PDE1A: variants seen among roughly 807,000 people sequenced by gnomAD.
PDE1A encodes the protein dual specificity calcium/calmodulin-dependent 3',5'-cyclic nucleotide phosphodiesterase 1A.
A neutral mutation model predicts 61.7 loss-of-function variants in PDE1A; 35 were observed. The ratio of observed to expected loss-of-function variants is 0.57; its 90% CI spans 0.43 to 0.75. PDE1A has a LOEUF of 0.75. Ranked by LOEUF, PDE1A falls within the 30% of genes least tolerant of loss-of-function variation. The probability of loss-of-function intolerance (pLI) is 0.00; values close to 1 mark genes in which losing one functional copy is unlikely to be tolerated. For missense variants in PDE1A, 597 were observed against 630.6 expected (o/e 0.95, Z 0.57); for synonymous variants, 232 against 213.2 (o/e 1.09, Z -0.77).
chr2:182,503,024 C>CG (rs1559520876), intron 2 of PDE1A, among the ~76,000 whole-genome samples: 2 of 148,506 alleles, frequency 1.3e-5, no homozygotes, highest in Admixed American at 6.8e-5. Context: ...TCTCTCTCCC[C>CG]CTCCCCATTC....
At chr2:182,681,054 C>G in the PDE1A span, among the ~76,000 whole-genome samples, 1 of 152,066 alleles carries the variant, frequency 6.6e-6, no homozygotes, top group East Asian at 1.9e-4. Context: ...AAGGGTGTAT[C>G]TTAAGGAGAG....
chr2:182,320,339 C>T (rs1011595389), intron 1 of PDE1A, among the ~76,000 whole-genome samples: 1 of 152,098 alleles, frequency 6.6e-6, no homozygotes, highest in Admixed American at 6.6e-5. Flanking sequence ...CTGCCGGATC[C>T]TAAGGTGCTG....
chr2:182,357,334 G>C lies in PDE1A; in HGVS notation c.53+69244C>G, dbSNP rs572202493. On this transcript the variant is annotated intron_variant, in intron 1 of 13. Transcript: ENST00000351439. ...ATGGGTAAAGGAAAACCAGAAGGGA[G>C]AGAGAATAGGACTGGTAGTCTGAAC... is the stretch of plus-strand genomic sequence containing the variant. Among the ~76,000 whole-genome samples, 12 of 152,190 alleles carry C rather than the reference G, an allele frequency of 7.9e-5. No homozygotes were observed. The East Asian group carries it at 1.7e-3, about 22-fold the overall frequency.
chr2:182,289,732 T>C (rs1694400656), intron 1 of PDE1A, among the ~76,000 whole-genome samples: 2 of 152,136 alleles, frequency 1.3e-5, no homozygotes, highest in Admixed American at 6.6e-5. Context: ...ATGGCAAATG[T>C]ATGTACTTAA....
At chr2:182,493,669 C>T (rs1230463650) in intron 2 of PDE1A, among the ~76,000 whole-genome samples, 1 of 152,166 alleles carries the variant, frequency 6.6e-6, no homozygotes, top group African/African-American at 2.4e-5. Context: ...AGATTTGGAA[C>T]CATCCCAAAT....
At chr2:182,515,954 CTGTGTGTG>C (rs201729102) in intron 2 of PDE1A, among the ~76,000 whole-genome samples, 9,716 of 130,412 alleles carry the variant, frequency 0.075, 929 homozygotes, top group African/African-American at 0.23. Flanking sequence ...GTGTGTGTTT[CTGTGTGTG>C]TGTGTGTGTG....
the PDE1A span, among the ~76,000 whole-genome samples, chr2:182,625,398 GTAGT>G: frequency 6.6e-6 from 1 of 152,188 alleles, no homozygotes; most frequent in African/African-American, 2.4e-5. Flanking sequence ...GGAGAAATAG[GTAGT>G]TAGTTTAACT....
chr2:182,291,180 C>T (rs10186868), intron 1 of PDE1A, among the ~76,000 whole-genome samples: 45,263 of 151,884 alleles, frequency 0.3, 6,797 homozygotes, highest in Middle Eastern at 0.41. Context: ...CCAAACCTCT[C>T]GTCCTGCCTA....
intron 13 of PDE1A, among the ~76,000 whole-genome samples, chr2:182,172,936 T>G (rs1692371407): frequency 6.6e-6 from 1 of 151,724 alleles, no homozygotes; most frequent in Admixed American, 6.6e-5. Flanking sequence ...TTCCCAGGAG[T>G]AGAGAGCAAA....
the PDE1A span, among the ~76,000 whole-genome samples, chr2:182,554,174 T>A: frequency 8.7e-4 from 132 of 152,298 alleles, no homozygotes; most frequent in African/African-American, 3.0e-3. Flanking sequence ...GTCACACCAT[T>A]TTCCTTTGAC....
At chr2:182,542,159 G>T in the PDE1A span, among the ~76,000 whole-genome samples, 73 of 152,126 alleles carry the variant, frequency 4.8e-4, no homozygotes, top group Non-Finnish European at 8.4e-4. Flanking sequence ...TTTCAAATTA[G>T]TTATTATTTT....
chr2:182,689,020 T>G, the PDE1A span, among the ~76,000 whole-genome samples: 1 of 152,240 alleles, frequency 6.6e-6, no homozygotes, highest in African/African-American at 2.4e-5. Flanking sequence ...GCACCCAGAT[T>G]CATAAAGCAA....
At chr2:182,288,827 T>C (rs1446282118) in intron 1 of PDE1A, among the ~76,000 whole-genome samples, 1 of 152,056 alleles carries the variant, frequency 6.6e-6, no homozygotes, top group Admixed American at 6.6e-5. Context: ...CAATCGAATA[T>C]TAGAAATGAT....
chr2:182,339,688 T>G (rs1324527801), intron 1 of PDE1A, among the ~76,000 whole-genome samples: 1 of 152,144 alleles, frequency 6.6e-6, no homozygotes, highest in East Asian at 1.9e-4. Flanking sequence ...TGGTCCCTCT[T>G]TCAGAGGAAA....
At chr2:182,365,325 C>A (rs1699775711) in intron 1 of PDE1A, among the ~76,000 whole-genome samples, 1 of 151,964 alleles carries the variant, frequency 6.6e-6, no homozygotes, top group Non-Finnish European at 1.5e-5. Flanking sequence ...ATTAAAATAA[C>A]TCATTATTTC....
chr2:182,382,402 A>G lies in PDE1A; in HGVS notation c.53+44176T>C, dbSNP rs114753632. 2.8e-3 allele frequency among the ~76,000 whole-genome samples: 420 copies of G among 152,368 alleles called. 2 individuals carry two copies. The highest frequency in any genetic ancestry group is 9.5e-3 in the African/African-American group (394 of 41,594). ...AGCCCCTGACTAACAACCAGCAAGT[A>G]AATGGAGACTTCACTCTCACAGCTA... is the stretch of plus-strand genomic sequence containing the variant. On this transcript the variant is annotated intron_variant, in intron 1 of 13. Transcript: ENST00000351439.
At chr2:182,459,404 G>A (rs1171370084) in intron 2 of PDE1A, among the ~76,000 whole-genome samples, 1 of 152,096 alleles carries the variant, frequency 6.6e-6, no homozygotes, top group Non-Finnish European at 1.5e-5. Context: ...AATTCTAACA[G>A]CAAGCTTTAA....
chr2:182,262,880 T>A (rs1468301911), intron 2 of PDE1A, among the ~76,000 whole-genome samples: 1 of 151,588 alleles, frequency 6.6e-6, no homozygotes, highest in Non-Finnish European at 1.5e-5. Flanking sequence ...TATAAGAAAT[T>A]TATGAGAAAC....
chr2:182,561,597 G>T, the PDE1A span, among the ~76,000 whole-genome samples: 2 of 152,078 alleles, frequency 1.3e-5, no homozygotes, highest in Non-Finnish European at 2.9e-5. Flanking sequence ...GTGAAGAAAG[G>T]CATTGGTAGC....
Sources: gnomAD v4.1 joint callset for allele counts (sites outside exome capture counted in the v4.1 genomes callset) on GRCh38, gnomAD v4.1.1 for gene constraint, MANE v1.5 for transcripts, NCBI Gene and HGNC (gene_info 2026-07-23, HGNC 2026-07-21) for gene names.